Variants in ROCK1 observed in about 807,000 individuals in gnomAD.
The protein encoded by ROCK1 is Rho associated coiled-coil containing protein kinase 1, also known as rho-associated protein kinase 1.
ROCK1 carries 36 observed loss-of-function variants against 196.8 expected under a neutral mutation model. The observed-to-expected ratio is 0.18, with a 90% CI of 0.14 to 0.24. The LOEUF is 0.24. ROCK1 is among the 10% of genes least tolerant of loss of function. The pLI is 1.00. For synonymous variants in ROCK1, 443 were observed against 515.9 expected, an observed-to-expected ratio of 0.86 and a Z score of 1.91; for missense variants, 920 against 1,562.0, an observed-to-expected ratio of 0.59 and a Z score of 6.93.
chr18:20,947,905 T>G lies in ROCK1; in HGVS notation c.*3479A>C, dbSNP rs1012031272. The stretch of plus-strand genomic sequence containing the variant: ...GGTGTGGATCACCTGAGGTCAGGAG[T>G]TCAAGACCAGGCTGGCCAACATGGT... On this transcript the variant is annotated 3_prime_UTR_variant, in exon 33 of 33. Coordinates refer to ENST00000399799, the MANE Select transcript of ROCK1 (RefSeq NM_005406.3). The G allele has an allele frequency of 6.6e-6, 1 of 151,340 alleles. No homozygotes were observed. The highest frequency in any genetic ancestry group is 2.4e-5 in the African/African-American group (1 of 41,114). 9.4% of individuals were successfully genotyped at this position (151,340 alleles called of 1,614,324 possible).
chr18:20,995,316 CAG>C (rs753647686), intron 16 of ROCK1, among the ~76,000 whole-genome samples: 24 of 152,254 alleles, frequency 1.6e-4, no homozygotes, highest in Non-Finnish European at 2.2e-4. Context: ...AAAAATAAAA[CAG>C]GGGGAGGCAG....
chr18:20,959,273 G>A (rs1460547734), intron 29 of ROCK1, among the ~76,000 whole-genome samples: 78 of 126,466 alleles, frequency 6.2e-4, no homozygotes, highest in Middle Eastern at 3.8e-3. Context: ...GTGCAGTGGC[G>A]CAATCTAGGC....
At position 21,041,270 on chromosome 18, in the gene ROCK1, TAA is replaced by T. The variant is rs780115669; in HGVS notation, c.959+825_959+826del. ...AACAGAGCAAAACCCTGTCTCTATT[TAA>T]AAAAAAAAAAAAAAAAAAAAAGTAA... On this transcript the variant is annotated intron_variant, in intron 8 of 32. Transcript: ENST00000399799. Among the ~76,000 whole-genome samples the T allele has an allele frequency of 1.6e-3, 173 of 105,158 alleles. 1 individual carries two copies. Among genetic ancestry groups the T allele is most frequent in the African/African-American group, 5.8e-3 (162 of 27,810 alleles). 69.0% of individuals were successfully genotyped at this position (105,158 alleles called of 152,430 possible). A position where few individuals can be genotyped will look rare whatever the true frequency, so the allele number is the denominator to read the frequency against.
intron 2 of ROCK1, among the ~76,000 whole-genome samples, chr18:21,069,728 A>G (rs1017934044): frequency 2.8e-4 from 43 of 152,130 alleles, no homozygotes; most frequent in African/African-American, 9.9e-4. Flanking sequence ...TAGGGAGGTA[A>G]GCAACTGTAA....
chr18:21,037,927 A>T (rs1183947646), intron 9 of ROCK1, among the ~76,000 whole-genome samples: 3 of 152,128 alleles, frequency 2.0e-5, no homozygotes, highest in Non-Finnish European at 4.4e-5. Context: ...TCGGTTTTTC[A>T]ATACATAAAA....
At chr18:21,032,770 C>T (rs1013459689) in intron 9 of ROCK1, among the ~76,000 whole-genome samples, 7 of 151,424 alleles carry the variant, frequency 4.6e-5, no homozygotes, top group African/African-American at 1.7e-4. Flanking sequence ...GATCCACCTG[C>T]CTTGGCCTCC....
intron 1 of ROCK1, among the ~76,000 whole-genome samples, chr18:21,095,488 C>G (rs1293497661): frequency 4.6e-5 from 7 of 152,000 alleles, no homozygotes; most frequent in Admixed American, 4.6e-4. Context: ...AAAGAAAATA[C>G]GGTACATATA....
At chr18:21,099,792 T>TG (rs771151196) in intron 1 of ROCK1, among the ~76,000 whole-genome samples, 7 of 151,542 alleles carry the variant, frequency 4.6e-5, no homozygotes, top group Non-Finnish European at 7.4e-5. Flanking sequence ...CCCAACACTT[T>TG]GGGAGGCTGA....
At chr18:21,010,145 C>T (rs1452817781) in intron 13 of ROCK1, among the ~76,000 whole-genome samples, 4 of 152,082 alleles carry the variant, frequency 2.6e-5, no homozygotes, top group Non-Finnish European at 5.9e-5. Flanking sequence ...TTTCACACAG[C>T]TTTTTGTTTC....
chr18:20,996,571 T>C (rs548816627), intron 16 of ROCK1, among the ~76,000 whole-genome samples: 1 of 152,178 alleles, frequency 6.6e-6, no homozygotes, highest in East Asian at 1.9e-4. Context: ...AAGAAGGTTC[T>C]AAGGGTTCAG....
At chr18:20,960,092 T>A in intron 28 of ROCK1, 44 bp downstream of exon 28, 1 of 1,327,402 alleles carries the variant, frequency 7.5e-7, no homozygotes, top group Non-Finnish European at 1.1e-6. Flanking sequence ...CAAAGTAAAA[T>A]ATAGAACAAA....
At position 20,966,937 on chromosome 18, in the gene ROCK1, T is replaced by C. The variant is rs776416129; in HGVS notation, c.3332A>G (p.Glu1111Gly). The C allele has an allele frequency of 6.2e-7, 1 of 1,612,732 alleles. No homozygotes were observed. Among genetic ancestry groups the C allele is most frequent in the Admixed American group, 1.7e-5 (1 of 59,884 alleles). Residue 1111 changes from glutamate (E) to glycine (G), a missense_variant, in exon 27 of 33, where the codon GAA becomes GGA. Glu to Gly is a moderately conservative substitution (Grantham distance 98). Around this residue, in one of 6 missense-constraint regions of ROCK1, gnomAD observed 116 missense variants for 204.2 expected, o/e 0.57. Transcript: ENST00000399799. ...TSVASFPSAD[E>G]TDGNLPESRI... ...CTTACCTGGGAGGTTACCATCAGTT[T>C]CATCAGCACTAGGAAAACTAGCAAC...
chr18:21,109,268 T>C (rs2143613238), intron 1 of ROCK1, among the ~76,000 whole-genome samples: 1 of 152,204 alleles, frequency 6.6e-6, no homozygotes, highest in Admixed American at 6.5e-5. Flanking sequence ...TGACTTATAT[T>C]TCCTTGTATC....
At chr18:21,016,718 C>T (rs976662892) in intron 12 of ROCK1, among the ~76,000 whole-genome samples, 4 of 152,030 alleles carry the variant, frequency 2.6e-5, no homozygotes, top group African/African-American at 9.7e-5. Flanking sequence ...TCATCCTTGA[C>T]TCATCCTCCC....
intron 6 of ROCK1, among the ~76,000 whole-genome samples, chr18:21,043,598 A>ATGT (rs2036129369): frequency 6.9e-6 from 1 of 144,074 alleles, no homozygotes; most frequent in African/African-American, 2.6e-5. Flanking sequence ...ACATATACAT[A>ATGT]ATATGTATAT....
At chr18:20,965,659 T>C (rs1190504058) in intron 27 of ROCK1, among the ~76,000 whole-genome samples, 1 of 152,184 alleles carries the variant, frequency 6.6e-6, no homozygotes, top group Admixed American at 6.5e-5. Context: ...TAACTAAAGC[T>C]ACAGGTTCTT....
intron 1 of ROCK1, 28 bp from the exon 2 acceptor site, chr18:21,070,641 T>G: frequency 6.7e-7 from 1 of 1,483,556 alleles, no homozygotes. Flanking sequence ...CAATGGTTAG[T>G]TTTTTGGATC....
chr18:21,101,285 GAATGGA>G (rs2036657440), intron 1 of ROCK1, among the ~76,000 whole-genome samples: 1 of 152,200 alleles, frequency 6.6e-6, no homozygotes. Context: ...GATCATGAAT[GAATGGA>G]ACCATTAGAT....
At chr18:21,082,117 T>C (rs1363208855) in intron 1 of ROCK1, among the ~76,000 whole-genome samples, 1 of 152,022 alleles carries the variant, frequency 6.6e-6, no homozygotes, top group Non-Finnish European at 1.5e-5. Context: ...TTAATTTTTT[T>C]TTTTAGGGAT....
Sources: allele counts gnomAD v4.1 joint callset (sites outside exome capture counted in the v4.1 genomes callset), GRCh38; gene constraint gnomAD v4.1.1; regional missense constraint gnomAD v4.1.1; transcripts MANE v1.5; gene names NCBI Gene and HGNC (gene_info 2026-07-23, HGNC 2026-07-21).